Variants in SP140 observed in about 807,000 individuals in gnomAD.
SP140 encodes SP140 nuclear body protein.
Under a neutral mutation model 125.0 loss-of-function variants are expected in SP140, and 81 were observed. The observed-to-expected ratio is 0.65, with a 90% confidence interval of 0.54 to 0.78. The LOEUF (loss-of-function observed/expected upper bound fraction) is 0.78, where lower values mean the gene tolerates loss of function less well. Among genes scored for constraint, SP140 ranks in the 30% least tolerant of loss-of-function variants. The pLI is 0.00. For synonymous variants in SP140, 312 were observed against 354.0 expected, an observed-to-expected ratio of 0.88 and a Z score of 1.33; for missense variants, 858 against 1,037.0, an observed-to-expected ratio of 0.83 and a Z score of 2.37.
At chr2:230,204,966 G>A (rs1357084551) in intron 1 of SP140, among the ~76,000 whole-genome samples, 2 of 152,118 alleles carry the variant, frequency 1.3e-5, no homozygotes, top group Non-Finnish European at 2.9e-5. Context: ...AGTTTTGAGT[G>A]GAAAGAGATA....
intron 9 of SP140, among the ~76,000 whole-genome samples, chr2:230,250,716 A>AGTCT (rs1285015958): frequency 2.0e-4 from 30 of 152,168 alleles, no homozygotes; most frequent in African/African-American, 6.5e-4. Flanking sequence ...AAGGCAGAAG[A>AGTCT]AATGTGCCTA....
In SP140 at chr2:230,238,936, G is replaced by A. The variant is rs116713742; in HGVS notation, c.406+555G>A. On this transcript the variant is annotated intron_variant, in intron 3 of 26. Transcript: ENST00000392045. ...TTCCGAACCATGTGGTTGAATTGCA[G>A]ACTGTGGGAGGCAGGGTGTGAGAGC... is the stretch of plus-strand genomic sequence containing the variant. The A allele has an allele frequency of 2.9e-3, 4,512 of 1,544,662 alleles. 14 individuals are homozygous for A. Among genetic ancestry groups the A allele is most frequent in the Non-Finnish European group, 3.2e-3 (3,629 of 1,143,666 alleles).
In SP140 at chr2:230,251,013, G is replaced by A; in HGVS notation, c.1009G>A (p.Gly337Arg). 2 of 1,613,872 alleles carry A rather than the reference G, an allele frequency of 1.2e-6. No individual in the cohort carries two copies. The highest frequency in any genetic ancestry group is 1.7e-6 in the Non-Finnish European group (2 of 1,179,824). The change falls in exon 10 of 27, where the codon GGA (glycine) becomes AGA (arginine). Residue 337 changes from glycine (G) to arginine (R), a missense_variant. Transcript: ENST00000392045. ...TGATGACTGTTCAGAAATGTGTGAT[G>A]GAGAAGAGCCCCAGGAAGCCTCTAG... is the stretch of plus-strand genomic sequence containing the variant. ...GSDDCSEMCD[G>R]EEPQEASSSL...
downstream of SP140, among the ~76,000 whole-genome samples, chr2:230,315,107 T>C (rs543871689): frequency 1.3e-5 from 2 of 152,188 alleles, no homozygotes; most frequent in Admixed American, 6.5e-5. Flanking sequence ...TTTAGACATA[T>C]AATCAAAAAA....
intron 10 of SP140, among the ~76,000 whole-genome samples, chr2:230,251,663 A>C (rs2050386763): frequency 6.6e-6 from 1 of 152,210 alleles, no homozygotes; most frequent in Non-Finnish European, 1.5e-5. Flanking sequence ...GCCTTCAAAG[A>C]AATGGTATCC....
the SP140 span, among the ~76,000 whole-genome samples, chr2:230,197,121 G>A: frequency 1.3e-5 from 2 of 152,162 alleles, no homozygotes; most frequent in Non-Finnish European, 2.9e-5. Context: ...TCACCACACC[G>A]ATTTCCACAA....
At chr2:230,226,257 C>T (rs1029512839) in intron 1 of SP140, among the ~76,000 whole-genome samples, 4 of 152,184 alleles carry the variant, frequency 2.6e-5, no homozygotes, top group African/African-American at 9.7e-5. Flanking sequence ...AAAGACAACT[C>T]TGTCTAAAAA....
intron 19 of SP140, among the ~76,000 whole-genome samples, chr2:230,292,068 A>T (rs913371091): frequency 6.6e-6 from 1 of 152,218 alleles, no homozygotes; most frequent in African/African-American, 2.4e-5. Context: ...ATTTTTTATC[A>T]GATAACATTT....
intron 12 of SP140, 89 bp downstream of exon 12, chr2:230,255,621 C>T (rs1437417594): frequency 7.3e-6 from 8 of 1,100,128 alleles, no homozygotes; most frequent in Non-Finnish European, 1.1e-5. Flanking sequence ...TGACTTTCCT[C>T]TGCATATACC....
chr2:230,304,675 A>G (rs1301618322), intron 22 of SP140, among the ~76,000 whole-genome samples: 1 of 152,234 alleles, frequency 6.6e-6, no homozygotes, highest in African/African-American at 2.4e-5. Context: ...ACCCCATTCA[A>G]CCAATAGCAC....
intron 5 of SP140, among the ~76,000 whole-genome samples, chr2:230,244,205 C>G (rs2049099705): frequency 6.6e-6 from 1 of 152,164 alleles, no homozygotes; most frequent in South Asian, 2.1e-4. Flanking sequence ...CATTGTGTTA[C>G]TATCTTATCT....
chr2:230,202,638 G>T (rs141019373), upstream of SP140: 1 of 1,613,972 alleles, frequency 6.2e-7, no homozygotes, highest in African/African-American at 1.3e-5. Flanking sequence ...TGTCTCTACC[G>T]TGGAGTTACA....
chr2:230,238,656 T>C, intron 3 of SP140: 1 of 981,690 alleles, frequency 1.0e-6, no homozygotes, highest in Non-Finnish European at 1.5e-6. Flanking sequence ...GAAGTCTCTA[T>C]TTTTTTGAAG....
chr2:230,259,323 C>T (rs2051789039), intron 12 of SP140, among the ~76,000 whole-genome samples: 2 of 152,010 alleles, frequency 1.3e-5, no homozygotes, highest in South Asian at 4.1e-4. Context: ...AGCTTAGCTC[C>T]CACGTATCAG....
At chr2:230,313,771 C>T (rs888919218), downstream of SP140, among the ~76,000 whole-genome samples, 3 of 152,176 alleles carry the variant, frequency 2.0e-5, no homozygotes, top group African/African-American at 7.2e-5. Context: ...TGGATAGCCC[C>T]AGAAGTGCTA....
At chr2:230,245,179 C>A in intron 6 of SP140, 99 bp downstream of exon 6, 1 of 749,006 alleles carries the variant, frequency 1.3e-6, no homozygotes, top group South Asian at 1.7e-5. Context: ...CCCTGTAACA[C>A]ACTTTTGTTC....
intron 18 of SP140, 81 bp downstream of exon 18, chr2:230,288,047 C>A (rs1240858932): frequency 4.2e-6 from 5 of 1,179,308 alleles, no homozygotes; most frequent in East Asian, 2.5e-5. Flanking sequence ...CAGTAATAAA[C>A]CCATTTCCTT....
At chr2:230,195,726 ATTACACAG>A in the SP140 span, among the ~76,000 whole-genome samples, 2 of 152,212 alleles carry the variant, frequency 1.3e-5, no homozygotes, top group South Asian at 4.1e-4. Flanking sequence ...AGGGCCAGAA[ATTACACAG>A]TTATGAGATA....
the SP140 span, among the ~76,000 whole-genome samples, chr2:230,187,738 T>C: frequency 2.0e-5 from 3 of 152,222 alleles, 1 homozygote; most frequent in Admixed American, 2.0e-4. Flanking sequence ...GCACCATTTA[T>C]TAAATATGGT....
Sources: allele counts gnomAD v4.1 joint callset (sites outside exome capture counted in the v4.1 genomes callset), GRCh38; gene constraint gnomAD v4.1.1; transcripts MANE v1.5; gene names NCBI Gene and HGNC (gene_info 2026-07-23, HGNC 2026-07-21).